Variants in CSGALNACT1 observed in about 807,000 individuals in gnomAD.
CSGALNACT1 encodes chondroitin sulfate N-acetylgalactosaminyltransferase 1.
CSGALNACT1 carries 52 observed loss-of-function variants against 51.0 expected under a neutral mutation model. The observed-to-expected ratio is 1.02, with a 90% CI of 0.82 to 1.29. The LOEUF (loss-of-function observed/expected upper bound fraction) is 1.29, where lower values mean the gene tolerates loss of function less well. Ranked by LOEUF, CSGALNACT1 falls within the 50% of genes most tolerant of loss-of-function variation. CSGALNACT1 has a pLI of 0.00. For missense variants in CSGALNACT1, 935 were observed against 679.2 expected (o/e 1.38, Z -4.19); for synonymous variants, 341 against 254.4 (o/e 1.34, Z -3.24).
At chr8:19,636,239 A>G (rs146164084) in intron 1 of CSGALNACT1, among the ~76,000 whole-genome samples, 5 of 152,300 alleles carry the variant, frequency 3.3e-5, no homozygotes, top group African/African-American at 9.6e-5. Context: ...ATTACAGTAT[A>G]TTGTTATAAC....
rs1165754811 is a variant in CSGALNACT1 at position 19,612,946 on chromosome 8, G to GAAAAAAAAAAAAAAAAAAAAAAAAAAA, written c.-543-11108_-543-11082dup. On this transcript the variant is annotated intron_variant, in intron 1 of 9. Coordinates refer to the CSGALNACT1 transcript ENST00000332246. ...CAAAAGAAGAGAGGAAAAGCAGCTG[G>GAAAAAAAAAAAAAAAAAAAAAAAAAAA]AAAAAAAAAAAAAAAAAAAAAAAAA... Among the ~76,000 whole-genome samples the GAAAAAAAAAAAAAAAAAAAAAAAAAAA allele has an allele frequency of 2.6e-4, 4 of 15,446 alleles. 1 individual carries two copies. The highest frequency in any genetic ancestry group is 5.6e-4 in the African/African-American group (4 of 7,162). 10.1% of individuals were successfully genotyped at this position (15,446 alleles called of 152,430 possible).
At chr8:19,653,740 G>T (rs879285699) in intron 1 of CSGALNACT1, among the ~76,000 whole-genome samples, 1 of 151,786 alleles carries the variant, frequency 6.6e-6, no homozygotes, top group Non-Finnish European at 1.5e-5. Flanking sequence ...GCTACAATCG[G>T]TGAACCGTGA....
intron 3 of CSGALNACT1, among the ~76,000 whole-genome samples, chr8:19,511,408 T>C (rs1173780325): frequency 6.6e-6 from 1 of 152,192 alleles, no homozygotes; most frequent in East Asian, 1.9e-4. Context: ...GGATTAGCTG[T>C]ACCAACAGAA....
chr8:19,606,525 G>T (rs569726957), upstream of CSGALNACT1, among the ~76,000 whole-genome samples: 4 of 152,074 alleles, frequency 2.6e-5, no homozygotes, highest in Non-Finnish European at 5.9e-5. Flanking sequence ...GTATGTTTTA[G>T]AACACAACTG....
intron 1 of CSGALNACT1, among the ~76,000 whole-genome samples, chr8:19,689,589 A>G (rs1032397638): frequency 1.3e-5 from 2 of 152,230 alleles, no homozygotes; most frequent in Admixed American, 6.5e-5. Flanking sequence ...TAAAAATTCT[A>G]TGAGAAAGAT....
At chr8:19,714,508 G>A (rs976256679) in intron 1 of CSGALNACT1, among the ~76,000 whole-genome samples, 7 of 151,896 alleles carry the variant, frequency 4.6e-5, no homozygotes, top group Admixed American at 1.3e-4. Flanking sequence ...CTATATGTTA[G>A]ACTGATTTTA....
intron 4 of CSGALNACT1, among the ~76,000 whole-genome samples, chr8:19,503,075 T>C (rs1206225868): frequency 2.0e-5 from 3 of 152,362 alleles, no homozygotes; most frequent in South Asian, 2.1e-4. Flanking sequence ...CCTGTGACTA[T>C]CAAAGATTGC....
intron 3 of CSGALNACT1, among the ~76,000 whole-genome samples, chr8:19,515,236 G>A (rs1273413470): frequency 1.3e-5 from 2 of 152,110 alleles, no homozygotes; most frequent in African/African-American, 2.4e-5. Flanking sequence ...CTCAGCACCT[G>A]CTGTCAGGCC....
At chr8:19,621,005 T>C (rs2053756971) in intron 1 of CSGALNACT1, among the ~76,000 whole-genome samples, 1 of 152,138 alleles carries the variant, frequency 6.6e-6, no homozygotes, top group African/African-American at 2.4e-5. Flanking sequence ...CGTAAAAATG[T>C]TGTGAGAAGT....
chr8:19,756,205 A>T (rs925343723), intron 1 of CSGALNACT1, among the ~76,000 whole-genome samples: 1 of 152,102 alleles, frequency 6.6e-6, no homozygotes, highest in African/African-American at 2.4e-5. Flanking sequence ...ATCCTACAGA[A>T]TTAAATTTAA....
chr8:19,585,800 T>C (rs1029978405), intron 3 of CSGALNACT1, among the ~76,000 whole-genome samples: 2 of 152,170 alleles, frequency 1.3e-5, no homozygotes, highest in African/African-American at 2.4e-5. Context: ...TTATCATTTG[T>C]ATTTTCCAAC....
chr8:19,736,594 T>C (rs1381288147), intron 1 of CSGALNACT1, among the ~76,000 whole-genome samples: 1 of 152,160 alleles, frequency 6.6e-6, no homozygotes, highest in Non-Finnish European at 1.5e-5. Context: ...GAACAGTTCT[T>C]ACGCACAGTA....
chr8:19,530,000 G>A (rs760868618), intron 3 of CSGALNACT1, among the ~76,000 whole-genome samples: 1 of 152,052 alleles, frequency 6.6e-6, no homozygotes, highest in Admixed American at 6.6e-5. Flanking sequence ...GTGAGCTCTT[G>A]CCTGAGCTCA....
rs1325610341 is a variant in CSGALNACT1 at position 19,757,404 on chromosome 8, G to T, written c.-297+446C>A. On this transcript the variant is annotated intron_variant, in intron 1 of 1. Transcript: ENST00000517494. This position sits in a 1 kb window ranked among gnomAD's most constrained non-coding sequence, Gnocchi z 4.0. ...TGGCGCCCCGCCGCAGGGTAGGTCC[G>T]GCGGGGGCGGCCAAGGCCGGGCTGG... The T allele has an allele frequency of 6.6e-6, 1 of 152,236 alleles. No individual in the cohort carries two copies. The highest frequency in any genetic ancestry group is 6.6e-5 in the Admixed American group (1 of 15,210). 9.4% of individuals were successfully genotyped at this position (152,236 alleles called of 1,614,324 possible).
At chr8:19,620,089 G>T (rs1321028808) in intron 1 of CSGALNACT1, among the ~76,000 whole-genome samples, 1 of 152,100 alleles carries the variant, frequency 6.6e-6, no homozygotes, top group East Asian at 1.9e-4. Flanking sequence ...AAGGCAGGCT[G>T]ATCACTTGAG....
At chr8:19,627,584 G>A (rs2054610283) in intron 1 of CSGALNACT1, among the ~76,000 whole-genome samples, 2 of 152,150 alleles carry the variant, frequency 1.3e-5, no homozygotes, top group African/African-American at 4.8e-5. Context: ...GAACTTAAGA[G>A]AGGCTGAAGC....
chr8:19,598,871 C>T lies in CSGALNACT1; in HGVS notation c.-416+2900G>A, dbSNP rs184488407. On this transcript the variant is annotated intron_variant, in intron 2 of 9. Coordinates refer to ENST00000454498, the Ensembl canonical transcript of CSGALNACT1. ...CAGGTAGGAGACATCCCTTTATTCA[C>T]TTTTCCATTCATTCACTCGCTCATT... Among the ~76,000 whole-genome samples the T allele has an allele frequency of 4.1e-4, 62 of 152,332 alleles. 1 individual carries two copies. Among genetic ancestry groups the T allele is most frequent in the African/African-American group, 1.4e-3 (59 of 41,570 alleles).
chr8:19,496,733 C>T (rs988423010), intron 4 of CSGALNACT1, among the ~76,000 whole-genome samples: 2 of 152,124 alleles, frequency 1.3e-5, no homozygotes, highest in African/African-American at 4.8e-5. Flanking sequence ...CTTGGTGGGG[C>T]AGATACACTC....
intron 1 of CSGALNACT1, among the ~76,000 whole-genome samples, chr8:19,666,102 C>T (rs1213211096): frequency 6.6e-6 from 1 of 152,172 alleles, no homozygotes; most frequent in Non-Finnish European, 1.5e-5. Context: ...AGGCAGACTT[C>T]AAGATTTTTC....
Sources: gnomAD v4.1 joint callset for allele counts (sites outside exome capture counted in the v4.1 genomes callset) on GRCh38, gnomAD v4.1.1 for gene constraint, Gnocchi (gnomAD v3.1) non-coding constraint, MANE v1.5 for transcripts, NCBI Gene and HGNC (gene_info 2026-07-23, HGNC 2026-07-21) for gene names.